UBE2O: variants seen among roughly 807,000 people sequenced by gnomAD.
UBE2O encodes ubiquitin conjugating enzyme E2 O.
In UBE2O, 15 loss-of-function variants were observed where a neutral mutation model predicts 125.8. The observed-to-expected ratio is 0.12, with a 90% CI of 0.08 to 0.18. The LOEUF (loss-of-function observed/expected upper bound fraction) is 0.18, where lower values mean the gene tolerates loss of function less well. Among genes scored for constraint, UBE2O ranks in the 10% least tolerant of loss-of-function variants. The pLI is 1.00. For synonymous variants in UBE2O, 708 were observed against 703.2 expected (o/e 1.01, Z -0.11); for missense variants, 1,280 against 1,723.6 (o/e 0.74, Z 4.56).
chr17:76,442,045 C>G (rs2073082668), intron 1 of UBE2O, among the ~76,000 whole-genome samples: 1 of 152,156 alleles, frequency 6.6e-6, no homozygotes, highest in Admixed American at 6.5e-5. Flanking sequence ...TTCAGGAAAC[C>G]CACGTGTGTG....
intron 15 of UBE2O, 57 bp from the exon 16 acceptor site, chr17:76,392,170 T>G (rs1163388363): frequency 8.8e-7 from 1 of 1,140,642 alleles, no homozygotes; most frequent in Non-Finnish European, 1.2e-6. Flanking sequence ...GGGGGTGTCC[T>G]ACATGTGGCA....
chr17:76,394,486 G>A (rs115428223), intron 15 of UBE2O, among the ~76,000 whole-genome samples: 301 of 152,292 alleles, frequency 2.0e-3, no homozygotes, highest in African/African-American at 6.8e-3. Context: ...TATTTTGCAG[G>A]TAAAAAGGAA....
intron 1 of UBE2O, among the ~76,000 whole-genome samples, chr17:76,415,684 A>T (rs1194468070): frequency 6.6e-6 from 1 of 152,072 alleles, no homozygotes; most frequent in African/African-American, 2.4e-5. Context: ...GCGCACCTGT[A>T]ATCCCAGCTA....
chr17:76,435,135 G>C (rs555329719), intron 1 of UBE2O, among the ~76,000 whole-genome samples: 19 of 152,280 alleles, frequency 1.2e-4, no homozygotes, highest in African/African-American at 4.3e-4. Flanking sequence ...TCACCACGAA[G>C]CAAACGGGAA....
At chr17:76,428,318 T>C (rs2072845108) in intron 1 of UBE2O, among the ~76,000 whole-genome samples, 1 of 152,266 alleles carries the variant, frequency 6.6e-6, no homozygotes. Context: ...CATTCTGAAA[T>C]AATTCTTGTT....
chr17:76,434,795 A>T (rs867924428), intron 1 of UBE2O, among the ~76,000 whole-genome samples: 1,413 of 118,638 alleles, frequency 0.012, 12 homozygotes, highest in African/African-American at 0.041. Flanking sequence ...TTTTTTTTTT[A>T]AAAAAACAAA....
At chr17:76,428,614 T>G (rs1042209410) in intron 1 of UBE2O, among the ~76,000 whole-genome samples, 3 of 152,244 alleles carry the variant, frequency 2.0e-5, no homozygotes, top group African/African-American at 7.2e-5. Flanking sequence ...TTGCTTTCTC[T>G]GGCCTCTACC....
intron 1 of UBE2O, chr17:76,430,849 G>A: frequency 1.8e-5 from 7 of 388,848 alleles, no homozygotes; most frequent in South Asian, 1.3e-4. Context: ...CTCTGACCCT[G>A]ATGACAAATG....
At chr17:76,438,463 A>G (rs2073032346) in intron 1 of UBE2O, among the ~76,000 whole-genome samples, 1 of 152,028 alleles carries the variant, frequency 6.6e-6, no homozygotes, top group Non-Finnish European at 1.5e-5. Flanking sequence ...CTCCCCCACT[A>G]CACCCCGGCT....
intron 1 of UBE2O, among the ~76,000 whole-genome samples, chr17:76,421,138 C>G (rs946082405): frequency 6.6e-6 from 1 of 152,190 alleles, no homozygotes; most frequent in African/African-American, 2.4e-5. Flanking sequence ...CTGCAGACTT[C>G]GCTCCAAAAG....
At chr17:76,416,192 A>G (rs555909292) in intron 1 of UBE2O, among the ~76,000 whole-genome samples, 6 of 151,626 alleles carry the variant, frequency 4.0e-5, no homozygotes, top group Admixed American at 3.3e-4. Flanking sequence ...GTATATGTAT[A>G]TGTGTATATG....
In UBE2O at chr17:76,391,896, G is replaced by A. The variant is rs1376379827; in HGVS notation, c.3150+14C>T. ...CTTCCTCCTTCTTGGCTGGGGGCCTGGCCCTATACTCACCTTTCCAATCCA... is the reference window on the plus strand; with the variant it reads ...CTTCCTCCTTCTTGGCTGGGGGCCTAGCCCTATACTCACCTTTCCAATCCA... On this transcript the variant is annotated intron_variant, in intron 16 of 17. Transcript: ENST00000319380. This position sits in a 1 kb window ranked among gnomAD's most constrained non-coding sequence, Gnocchi z 8.4. 1.9e-6 allele frequency: 3 copies of A among 1,613,524 alleles called. No individual in the cohort carries two copies. The highest frequency in any genetic ancestry group is 2.5e-6 in the Non-Finnish European group (3 of 1,179,762).
rs935979876 is a variant in UBE2O, at chr17:76,396,309, C to T, written c.2628G>A (p.Glu876=). 1.2e-6 allele frequency: 2 copies of T among 1,614,230 alleles called. No individual in the cohort carries two copies. Among genetic ancestry groups the T allele is most frequent in the East Asian group, 2.2e-5 (1 of 44,886 alleles). The change falls in exon 14 of 18, where the codon GAG becomes GAA. Residue 876 remains glutamate, a synonymous_variant. Coordinates refer to ENST00000319380, the MANE Select transcript of UBE2O (RefSeq NM_022066.4). This position sits in a 1 kb window ranked among gnomAD's most constrained non-coding sequence, Gnocchi z 6.7. The part of the protein sequence containing the change: ...KTLDNVAIVE[E]EKMEAVPDVE... The stretch of plus-strand genomic sequence containing the variant: ...CGTCGGGCACTGCTTCCATCTTCTC[C>T]TCCTCTACAATGGCCACATTGTCCA...
At chr17:76,429,541 C>CAAAAAA (rs61081315) in intron 1 of UBE2O, among the ~76,000 whole-genome samples, 1 of 71,808 alleles carries the variant, frequency 1.4e-5, no homozygotes, top group Non-Finnish European at 2.5e-5. Context: ...GACTCTGTCT[C>CAAAAAA]AAAAAAAAAA....
At position 76,401,027 on chromosome 17, in the gene UBE2O, C is replaced by T; in HGVS notation, c.878G>A (p.Arg293Gln). 6.2e-7 allele frequency: 1 copy of T among 1,613,848 alleles called. No individual in the cohort carries two copies. Among genetic ancestry groups the T allele is most frequent in the Non-Finnish European group, 8.5e-7 (1 of 1,180,026 alleles). Residue 293 changes from arginine (R) to glutamine (Q), a missense_variant, in exon 6 of 18, where the codon CGA becomes CAA. Physicochemically the swap from Arg to Gln is conservative, Grantham distance 43. Around this residue, in one of 10 missense-constraint regions of UBE2O, gnomAD observed 206 missense variants for 315.7 expected, o/e 0.65. Coordinates refer to ENST00000319380, the MANE Select transcript of UBE2O (RefSeq NM_022066.4). The part of the protein sequence containing the change: ...KPVLSTKSKF[R>Q]VVVEEVQVVE... ...CGGACCCACCTCTTCCACCACCACT[C>T]GGAACTTGCTCTTGGTGCTGAGCAC... is the stretch of plus-strand genomic sequence containing the variant.
chr17:76,400,395 T>G lies in UBE2O; in HGVS notation c.1004+46A>C. On this transcript the variant is annotated intron_variant, in intron 7 of 17. Coordinates refer to ENST00000319380, the MANE Select transcript of UBE2O (RefSeq NM_022066.4). This position sits in a 1 kb window ranked among gnomAD's most constrained non-coding sequence, Gnocchi z 4.3. ...GGCATGTGACCAGGGCCCAGAGCCC[T>G]GTCCCACGCGTGCCCCTGGGTTGCT... 6.3e-7 allele frequency: 1 copy of G among 1,595,474 alleles called. No homozygotes were observed. Among genetic ancestry groups the G allele is most frequent in the East Asian group, 2.2e-5 (1 of 44,624 alleles).
rs139572215 is a variant in UBE2O at position 76,437,318 on chromosome 17, C to T, written c.417+15407G>A. On this transcript the variant is annotated intron_variant, in intron 1 of 17. Transcript: ENST00000319380. ...ACACAAAATTAGCCGGGCGTGGTGG[C>T]GGGCACCTGTAGTCCCAGCTACTCA... Among the ~76,000 whole-genome samples, 1,421 of 148,844 alleles carry T rather than the reference C, an allele frequency of 9.5e-3. 7 individuals carry two copies. Among genetic ancestry groups the T allele is most frequent in the Non-Finnish European group, 0.016 (1,080 of 67,174 alleles).
chr17:76,415,972 T>C (rs891893043), intron 1 of UBE2O, among the ~76,000 whole-genome samples: 7 of 151,938 alleles, frequency 4.6e-5, no homozygotes, highest in Admixed American at 4.6e-4. Flanking sequence ...TATATACGTA[T>C]GCGTATACAT....
Position 76,398,833 on chromosome 17 carries a change from C to G in UBE2O, c.1783+4G>C. ...GCTGGCTGCCCTTCCAGAGCTGGCA[C>G]TACCTCGCTTATCTACCACGAAGTC... is the stretch of plus-strand genomic sequence containing the variant. On this transcript the variant is annotated splice_donor_region_variant and intron_variant, in intron 10 of 17. Transcript: ENST00000319380. The surrounding 1 kb of genome is among the most constrained non-coding windows in gnomAD (Gnocchi z 5.4). The G allele has an allele frequency of 6.2e-7, 1 of 1,613,116 alleles. No homozygotes were observed. Among genetic ancestry groups the G allele is most frequent in the Non-Finnish European group, 8.5e-7 (1 of 1,179,414 alleles).
Sources: gnomAD v4.1 joint callset for allele counts (sites outside exome capture counted in the v4.1 genomes callset) on GRCh38, gnomAD v4.1.1 for gene constraint, gnomAD v4.1.1 regional missense constraint, Gnocchi (gnomAD v3.1) non-coding constraint, MANE v1.5 for transcripts, NCBI Gene and HGNC (gene_info 2026-07-23, HGNC 2026-07-21) for gene names.